ZNF500: variants seen among roughly 807,000 people sequenced by gnomAD.
ZNF500 encodes zinc finger protein with KRAB and SCAN domains 18.
In ZNF500, 31 loss-of-function variants were observed where a neutral mutation model predicts 30.1. The ratio of observed to expected loss-of-function variants is 1.03; its 90% confidence interval spans 0.77 to 1.39. ZNF500 has a LOEUF of 1.39. Ranked by LOEUF, ZNF500 falls within the 40% of genes most tolerant of loss-of-function variation. The pLI, the probability that ZNF500 is intolerant of heterozygous loss-of-function variation, is 0.00. For missense variants in ZNF500, 817 were observed against 657.8 expected (o/e 1.24, Z -2.65); for synonymous variants, 392 against 282.0 (o/e 1.39, Z -3.91).
At chr16:4,747,620 C>T, downstream of ZNF500, 1 of 1,602,348 alleles carries the variant, frequency 6.2e-7, no homozygotes, top group Non-Finnish European at 8.5e-7. Context: ...TCTGGAGCAA[C>T]TATAGCTGCC....
At chr16:4,744,322 G>C (rs139869918), downstream of ZNF500, among the ~76,000 whole-genome samples, 286 of 152,280 alleles carry the variant, frequency 1.9e-3, 1 homozygote, top group African/African-American at 6.4e-3. Context: ...AGTAGGTAAA[G>C]ATGTGTGTTC....
At chr16:4,764,987 C>A (rs1386415411) in intron 2 of ZNF500, among the ~76,000 whole-genome samples, 3 of 151,740 alleles carry the variant, frequency 2.0e-5, no homozygotes, top group African/African-American at 7.3e-5. Flanking sequence ...TTGGAAGGTG[C>A]CGGACCTCTC....
rs138320212 is a variant in ZNF500 at position 4,752,722 on chromosome 16, G to A, written c.1097C>T (p.Ser366Phe). The part of the protein sequence containing the change: ...LVCGKGFSDR[S>F]NFSTHQRVHT... ...CACCCTCTGGTGCGTGCTGAAGTTG[G>A]AGCGGTCGCTAAAGCCCTTCCCACA... is the stretch of plus-strand genomic sequence containing the variant. The change falls in exon 6 of 6, where the codon TCC becomes TTC. Residue 366 changes from serine to phenylalanine, a missense_variant. Coordinates refer to ENST00000219478, the MANE Select transcript of ZNF500 (RefSeq NM_021646.4). 1 of 1,614,098 alleles carries A rather than the reference G, an allele frequency of 6.2e-7. No individual in the cohort carries two copies. Among genetic ancestry groups the A allele is most frequent in the Admixed American group, 1.7e-5 (1 of 60,010 alleles).
downstream of ZNF500, chr16:4,747,531 C>A (rs976083630): frequency 6.2e-7 from 1 of 1,613,094 alleles, no homozygotes; most frequent in Admixed American, 1.7e-5. Context: ...AGCGCCCAGG[C>A]TCGACTCCCA....
At position 4,752,223 on chromosome 16, in the gene ZNF500, G is replaced by A; in HGVS notation, c.*153C>T. 1 of 1,421,958 alleles carries A rather than the reference G, an allele frequency of 7.0e-7. No homozygotes were observed. Among genetic ancestry groups the A allele is most frequent in the South Asian group, 1.6e-5 (1 of 61,556 alleles). 88.1% of individuals were successfully genotyped at this position (1,421,958 alleles called of 1,614,324 possible). A position where few individuals can be genotyped will look rare whatever the true frequency, so the allele number is the denominator to read the frequency against. ...CACCCAGTGCCCAGCTTCCTCTGCG[G>A]CCTGGGCATCCCAAATGTCCCCTGC... On this transcript the variant is annotated 3_prime_UTR_variant, in exon 6 of 6. Coordinates refer to ENST00000219478, the MANE Select transcript of ZNF500 (RefSeq NM_021646.4).
At position 4,765,981 on chromosome 16, in the gene ZNF500, C is replaced by A; in HGVS notation, c.-3G>T. 1 of 1,548,176 alleles carries A rather than the reference C, an allele frequency of 6.5e-7. No individual in the cohort carries two copies. Among genetic ancestry groups the A allele is most frequent in the South Asian group, 1.2e-5 (1 of 80,960 alleles). Reference sequence around the variant, plus strand: ...TGGAGGCCAGGGACAGTGGCCATTGCTTCCGGTGGGCCTTGTTCCTTTTCA... The same window carrying A: ...TGGAGGCCAGGGACAGTGGCCATTGATTCCGGTGGGCCTTGTTCCTTTTCA... On this transcript the variant is annotated 5_prime_UTR_variant, in exon 2 of 6. Coordinates refer to ENST00000219478, the MANE Select transcript of ZNF500 (RefSeq NM_021646.4).
chr16:4,761,666 C>A (rs116065240), intron 4 of ZNF500, among the ~76,000 whole-genome samples: 5,625 of 150,362 alleles, frequency 0.037, 133 homozygotes, highest in African/African-American at 0.066. Context: ...GGCAGCACAG[C>A]GAGACTGTGT....
downstream of ZNF500, chr16:4,746,715 C>G (rs1361083070): frequency 1.2e-6 from 1 of 818,398 alleles, no homozygotes; most frequent in Non-Finnish European, 1.9e-6. Context: ...CCTCCTCGGG[C>G]TGGGCTCTAT....
chr16:4,744,453 G>A (rs116592605), downstream of ZNF500, among the ~76,000 whole-genome samples: 503 of 152,120 alleles, frequency 3.3e-3, 2 homozygotes, highest in African/African-American at 0.012. Context: ...GGGGATCTCC[G>A]TAGGTTAACG....
chr16:4,760,898 G>A (rs536528119), intron 4 of ZNF500, among the ~76,000 whole-genome samples: 4 of 152,260 alleles, frequency 2.6e-5, no homozygotes, highest in African/African-American at 9.6e-5. Flanking sequence ...GCATCCCCTG[G>A]CTCCGTGGCT....
At chr16:4,747,136 C>T (rs984717094), downstream of ZNF500, 23 of 1,234,686 alleles carry the variant, frequency 1.9e-5, no homozygotes, top group Middle Eastern at 2.8e-4. Flanking sequence ...CTGCACCCAC[C>T]GCACAGGGTG....
At chr16:4,759,307 T>C (rs936589871) in intron 5 of ZNF500, among the ~76,000 whole-genome samples, 1 of 151,528 alleles carries the variant, frequency 6.6e-6, no homozygotes, top group Non-Finnish European at 1.5e-5. Flanking sequence ...CATGAGATGG[T>C]GCAGATGCTG....
rs1380955662 is a variant in ZNF500 at position 4,749,430 on chromosome 16, G to C, written c.*2946C>G. 3 of 154,486 alleles carry C rather than the reference G, an allele frequency of 1.9e-5. No individual in the cohort carries two copies. Among genetic ancestry groups the C allele is most frequent in the Admixed American group, 1.3e-4 (2 of 15,298 alleles). The allele number at this position is 154,486 out of a possible 1,614,324, so 9.6% of individuals were successfully genotyped here. A position where few individuals can be genotyped will look rare whatever the true frequency, so the allele number is the denominator to read the frequency against. ...TACTGTGTCTGTCAAGGCAAGGGGA[G>C]TGAGGTAGGAAGTCAGACCTGCGTC... On this transcript the variant is annotated 3_prime_UTR_variant, in exon 6 of 6. Coordinates refer to ENST00000219478, the MANE Select transcript of ZNF500 (RefSeq NM_021646.4).
At position 4,751,858 on chromosome 16, in the gene ZNF500, T is replaced by G; in HGVS notation, c.*518A>C. 2.3e-6 allele frequency: 1 copy of G among 442,020 alleles called. No individual in the cohort carries two copies. The highest frequency in any genetic ancestry group is 3.9e-6 in the Non-Finnish European group (1 of 254,716). 27.4% of individuals were successfully genotyped at this position (442,020 alleles called of 1,614,324 possible). ...AGGGATTCGAGGCTGCAGTGAGCTATGATCATGGCACTGTATTCCCGCCTG... is the reference window on the plus strand; with the variant it reads ...AGGGATTCGAGGCTGCAGTGAGCTAGGATCATGGCACTGTATTCCCGCCTG... On this transcript the variant is annotated 3_prime_UTR_variant, in exon 6 of 6. Transcript: ENST00000219478.
rs187577017 is a variant in ZNF500, at chr16:4,762,720, C to G, written c.451G>C (p.Gly151Arg). The change falls in exon 3 of 6, where the codon GGG (glycine) becomes CGG (arginine). Residue 151 changes from glycine to arginine, a missense_variant. Coordinates refer to ENST00000219478, the MANE Select transcript of ZNF500 (RefSeq NM_021646.4). Reference sequence around the variant, plus strand: ...TGTTTTAAGAACTGTCCCCCTATCCCGAGGGGCACCTCGTCATCAGAAAGC... The same window carrying G: ...TGTTTTAAGAACTGTCCCCCTATCCGGAGGGGCACCTCGTCATCAGAAAGC... ...ELLSDDEVPL[G>R]IGGQFLKHQA... 6.2e-7 allele frequency: 1 copy of G among 1,612,602 alleles called. No individual in the cohort carries two copies. Among genetic ancestry groups the G allele is most frequent in the Non-Finnish European group, 8.5e-7 (1 of 1,179,236 alleles).
At chr16:4,747,033 C>A (rs2082026404), downstream of ZNF500, 2 of 1,524,058 alleles carry the variant, frequency 1.3e-6, no homozygotes, top group Non-Finnish European at 1.8e-6. Context: ...ACGGTAACCA[C>A]CCAGGGGCCT....
chr16:4,759,099 CT>C (rs56224247), intron 5 of ZNF500, among the ~76,000 whole-genome samples: 152,016 of 152,022 alleles, frequency 1, 76,005 homozygotes, highest in Non-Finnish European at 1. Flanking sequence ...ATCCCAGCTA[CT>C]TTGGGAGGCT....
chr16:4,762,099 GC>G (rs1386250057), intron 4 of ZNF500, among the ~76,000 whole-genome samples, 171 bp downstream of exon 4: 1 of 152,142 alleles, frequency 6.6e-6, no homozygotes, highest in Admixed American at 6.5e-5. Context: ...TTCCCAGGAG[GC>G]CAGGGGAAGT....
chr16:4,746,714 G>C, downstream of ZNF500: 2 of 822,720 alleles, frequency 2.4e-6, no homozygotes. Flanking sequence ...ACCTCCTCGG[G>C]CTGGGCTCTA....
Sources: allele counts gnomAD v4.1 joint callset (sites outside exome capture counted in the v4.1 genomes callset), GRCh38; gene constraint gnomAD v4.1.1; transcripts MANE v1.5; gene names NCBI Gene and HGNC (gene_info 2026-07-23, HGNC 2026-07-21).